Variants in ZNF138 observed in about 807,000 individuals in gnomAD.
The protein encoded by ZNF138 is zinc finger protein 138, also known as zinc finger protein 138 (clone pHZ-32).
Under a neutral mutation model 33.0 loss-of-function variants are expected in ZNF138, and 33 were observed. That is an observed-to-expected ratio of 1.00 (90% CI 0.76 to 1.34). ZNF138 has a LOEUF of 1.34. Among genes scored for constraint, ZNF138 ranks in the 40% most tolerant of loss-of-function variants. The pLI, the probability that ZNF138 is intolerant of heterozygous loss-of-function variation, is 0.00. For missense variants in ZNF138, 360 were observed against 370.8 expected (o/e 0.97, Z 0.24); for synonymous variants, 139 against 120.4 (o/e 1.15, Z -1.01).
chr7:64,825,740 A>G (rs981575692), intron 3 of ZNF138, among the ~76,000 whole-genome samples: 8 of 148,198 alleles, frequency 5.4e-5, no homozygotes, highest in Non-Finnish European at 1.2e-4. Context: ...GGGTTTCACT[A>G]TGTTGGCCAG....
chr7:64,810,761 C>G (rs1157551088), intron 1 of ZNF138, among the ~76,000 whole-genome samples: 3 of 152,098 alleles, frequency 2.0e-5, no homozygotes, highest in Admixed American at 6.5e-5. Context: ...TTTTGGAGGC[C>G]TTATTTAGGT....
the ZNF138 span, among the ~76,000 whole-genome samples, chr7:64,850,201 A>G: frequency 6.6e-6 from 1 of 152,120 alleles, no homozygotes; most frequent in Non-Finnish European, 1.5e-5. Context: ...TTCTTATTCC[A>G]TGTTCTAGAC....
At chr7:64,848,377 G>A in the ZNF138 span, among the ~76,000 whole-genome samples, 5,215 of 151,758 alleles carry the variant, frequency 0.034, 290 homozygotes, top group African/African-American at 0.12. Flanking sequence ...GTTGGGTTGG[G>A]TTAATCCAAA....
chr7:64,818,542 G>A (rs1366974258), intron 3 of ZNF138, among the ~76,000 whole-genome samples: 2 of 151,966 alleles, frequency 1.3e-5, no homozygotes, highest in African/African-American at 4.8e-5. Flanking sequence ...ACGAGGCCAG[G>A]AGTTCGAGAC....
the ZNF138 span, chr7:64,852,740 C>T: frequency 2.1e-6 from 2 of 965,018 alleles, no homozygotes; most frequent in Non-Finnish European, 3.4e-6. Flanking sequence ...AGCCACTGCC[C>T]CCTGTGTCCC....
chr7:64,843,000 G>A, the ZNF138 span, among the ~76,000 whole-genome samples: 9 of 152,036 alleles, frequency 5.9e-5, no homozygotes, highest in Non-Finnish European at 1.2e-4. Flanking sequence ...AATAACTTGT[G>A]TCTGGTGGCC....
chr7:64,799,205 T>C (rs1392482145), intron 1 of ZNF138, among the ~76,000 whole-genome samples: 3 of 152,148 alleles, frequency 2.0e-5, no homozygotes, highest in Non-Finnish European at 4.4e-5. Context: ...TTGCTCTTGT[T>C]GCCCAGGCTG....
intron 3 of ZNF138, among the ~76,000 whole-genome samples, chr7:64,828,229 A>T: frequency 6.6e-6 from 1 of 152,156 alleles, no homozygotes; most frequent in East Asian, 1.9e-4. Context: ...AACACATAAA[A>T]AATTTACAAT....
At chr7:64,808,915 C>T (rs1787839340) in intron 1 of ZNF138, among the ~76,000 whole-genome samples, 1 of 140,798 alleles carries the variant, frequency 7.1e-6, no homozygotes, top group Non-Finnish European at 1.6e-5. Context: ...GGTCACAGAT[C>T]AACAGGATCC....
At chr7:64,850,874 A>G in the ZNF138 span, among the ~76,000 whole-genome samples, 1 of 152,324 alleles carries the variant, frequency 6.6e-6, no homozygotes, top group Admixed American at 6.5e-5. Context: ...AGGTGGCCAC[A>G]TCAGTGGTTT....
At chr7:64,814,150 G>T in intron 1 of ZNF138, 2 of 1,159,708 alleles carry the variant, frequency 1.7e-6, no homozygotes, top group Non-Finnish European at 1.1e-6. Flanking sequence ...CATTAGCGGT[G>T]AGCTTGTTAG....
intron 3 of ZNF138, among the ~76,000 whole-genome samples, chr7:64,828,757 A>G (rs2418463): frequency 0.99 from 149,706 of 151,904 alleles, 73,808 homozygotes; most frequent in East Asian, 1. Context: ...TTGAAATCAG[A>G]AACTGTTCTG....
rs1386350688 is a variant in ZNF138 at position 64,814,902 on chromosome 7, TGTGC to T, written c.4-12_4-9del. ...TGGTTAATGTGTGTGTGTGTTTGTG[TGTGC>T]GTGTTTTTCAGGGACCACTGACATT... On this transcript the variant is annotated splice_polypyrimidine_tract_variant and intron_variant, in intron 1 of 3. Transcript: ENST00000307355. 1 of 1,610,638 alleles carries T rather than the reference TGTGC, an allele frequency of 6.2e-7. No individual in the cohort carries two copies. The highest frequency in any genetic ancestry group is 8.5e-7 in the Non-Finnish European group (1 of 1,177,538).
chr7:64,819,756 C>T (rs1788964420), intron 3 of ZNF138, among the ~76,000 whole-genome samples: 1 of 146,906 alleles, frequency 6.8e-6, no homozygotes, highest in Non-Finnish European at 1.5e-5. Context: ...ATAAAATTTA[C>T]CATCTTAAAT....
At chr7:64,830,136 C>G (rs1789966410) in intron 3 of ZNF138, among the ~76,000 whole-genome samples, 1 of 151,954 alleles carries the variant, frequency 6.6e-6, no homozygotes, top group Non-Finnish European at 1.5e-5. Context: ...AACTGGTTAT[C>G]TCATAAGATT....
the ZNF138 span, among the ~76,000 whole-genome samples, chr7:64,839,566 C>A: frequency 5.9e-5 from 9 of 152,060 alleles, no homozygotes; most frequent in African/African-American, 2.2e-4. Context: ...TGGGTGTGCG[C>A]ATGACTCTCG....
intron 1 of ZNF138, among the ~76,000 whole-genome samples, chr7:64,800,212 G>A (rs1313400655): frequency 1.3e-5 from 2 of 152,108 alleles, no homozygotes; most frequent in African/African-American, 2.4e-5. Flanking sequence ...TAACTGTGGT[G>A]TGGACTACCA....
At chr7:64,807,991 G>A (rs1166585490) in intron 1 of ZNF138, among the ~76,000 whole-genome samples, 1 of 152,182 alleles carries the variant, frequency 6.6e-6, no homozygotes, top group African/African-American at 2.4e-5. Context: ...AGGTGATCCA[G>A]GTTCTGGAGC....
At chr7:64,819,832 G>A (rs1013792515) in intron 3 of ZNF138, among the ~76,000 whole-genome samples, 2 of 147,590 alleles carry the variant, frequency 1.4e-5, no homozygotes, top group African/African-American at 5.4e-5. Context: ...CAGGATTTTG[G>A]GAGGCCAAGA....
Sources: gnomAD v4.1 joint callset for allele counts (sites outside exome capture counted in the v4.1 genomes callset) on GRCh38, gnomAD v4.1.1 for gene constraint, MANE v1.5 for transcripts, NCBI Gene and HGNC (gene_info 2026-07-23, HGNC 2026-07-21) for gene names.